The following LARS2 variants were observed in gnomAD, a reference collection of about 807,000 sequenced individuals.
The protein encoded by LARS2 is leucyl-tRNA synthetase 2, mitochondrial.
LARS2 carries 81 observed loss-of-function variants against 116.6 expected under a neutral mutation model. That is an observed-to-expected ratio of 0.69 (90% CI 0.58 to 0.84). The LOEUF is 0.84. Ranked by LOEUF, LARS2 falls within the 40% of genes least tolerant of loss-of-function variation. The pLI is 0.00. For missense variants in LARS2, 968 were observed against 1,114.5 expected (o/e 0.87, Z 1.87); for synonymous variants, 396 against 407.2 (o/e 0.97, Z 0.33).
chr3:45,531,535 G>A (rs886946916), intron 20 of LARS2, among the ~76,000 whole-genome samples: 26 of 151,110 alleles, frequency 1.7e-4, no homozygotes, highest in African/African-American at 6.3e-4. Flanking sequence ...ATGCCCCTAC[G>A]CCCGGCTAAT....
chr3:45,395,545 G>A (rs781632664), intron 3 of LARS2, among the ~76,000 whole-genome samples: 9 of 152,206 alleles, frequency 5.9e-5, no homozygotes, highest in Non-Finnish European at 1.2e-4. Flanking sequence ...TCTGATTGGA[G>A]TTTTAAATTC....
intron 8 of LARS2, among the ~76,000 whole-genome samples, chr3:45,473,274 A>G (rs557178352): frequency 6.6e-5 from 10 of 152,336 alleles, no homozygotes; most frequent in African/African-American, 2.4e-4. Context: ...ATGGGTGATC[A>G]TATAAGTATA....
intron 20 of LARS2, among the ~76,000 whole-genome samples, chr3:45,532,132 A>G (rs1481157710): frequency 6.6e-6 from 1 of 152,166 alleles, no homozygotes; most frequent in Admixed American, 6.5e-5. Context: ...AACCCTATGC[A>G]GTGTTAAAGA....
intron 8 of LARS2, among the ~76,000 whole-genome samples, chr3:45,463,874 C>T (rs1421267760): frequency 5.9e-5 from 9 of 151,982 alleles, no homozygotes; most frequent in Admixed American, 6.6e-5. Flanking sequence ...ATCTGCCCAG[C>T]GGTCCAAGGA....
chr3:45,407,702 A>G (rs1698253503), intron 4 of LARS2, among the ~76,000 whole-genome samples: 1 of 152,198 alleles, frequency 6.6e-6, no homozygotes, highest in African/African-American at 2.4e-5. Flanking sequence ...AGCAGTAACC[A>G]TGGTTGCTCT....
At chr3:45,461,695 G>A (rs756554447) in intron 8 of LARS2, among the ~76,000 whole-genome samples, 1 of 152,198 alleles carries the variant, frequency 6.6e-6, no homozygotes, top group South Asian at 2.1e-4. Context: ...TTAGATGTGG[G>A]TGAGAATAGT....
At chr3:45,499,168 G>A (rs979018910) in intron 14 of LARS2, among the ~76,000 whole-genome samples, 5 of 152,118 alleles carry the variant, frequency 3.3e-5, no homozygotes, top group African/African-American at 1.2e-4. Flanking sequence ...ATGGCCAGGT[G>A]CAGTGGCTCA....
In LARS2 at chr3:45,499,629, G is replaced by GA. The variant is rs143218200; in HGVS notation, c.1623-804dup. Among the ~76,000 whole-genome samples the GA allele has an allele frequency of 7.3e-5, 11 of 149,938 alleles. No individual in the cohort carries two copies. In the South Asian group the frequency reaches 1.3e-3, roughly 17 times the overall value. The stretch of plus-strand genomic sequence containing the variant: ...CAAGCAAGACCCAAACTTTAATAAA[G>GA]AAAAAAAAATGTTTTTTAATGTGAA... On this transcript the variant is annotated intron_variant, in intron 14 of 21. Coordinates refer to ENST00000645846, the MANE Select transcript of LARS2 (RefSeq NM_015340.4).
chr3:45,484,649 T>A (rs543527303), intron 10 of LARS2, among the ~76,000 whole-genome samples: 2,400 of 35,242 alleles, frequency 0.068, 230 homozygotes, highest in Middle Eastern at 0.17. Context: ...ATATATATAT[T>A]TAAAATAAGA....
intron 6 of LARS2, among the ~76,000 whole-genome samples, chr3:45,435,865 A>G (rs1205625520): frequency 6.6e-6 from 1 of 152,184 alleles, no homozygotes; most frequent in African/African-American, 2.4e-5. Flanking sequence ...AGTTGTATTT[A>G]GAGAGAATCA....
chr3:45,476,354 A>G, intron 9 of LARS2, 114 bp from the exon 10 acceptor site: 2 of 1,111,572 alleles, frequency 1.8e-6, no homozygotes, highest in Non-Finnish European at 1.4e-6. Flanking sequence ...CAGTGGTCAG[A>G]GCTGTGGTCA....
intron 15 of LARS2, 87 bp downstream of exon 15, chr3:45,500,666 T>C (rs1218595452): frequency 2.0e-6 from 2 of 997,350 alleles, no homozygotes; most frequent in East Asian, 2.7e-5. Flanking sequence ...GCAAGGTAAA[T>C]GCATGTAGTA....
At chr3:45,499,436 C>T (rs1238416325) in intron 14 of LARS2, among the ~76,000 whole-genome samples, 2 of 151,522 alleles carry the variant, frequency 1.3e-5, no homozygotes, top group East Asian at 1.9e-4. Flanking sequence ...AGCGAGACTC[C>T]GTCTCAAAAA....
intron 4 of LARS2, among the ~76,000 whole-genome samples, chr3:45,408,457 C>T (rs854205): frequency 0.71 from 107,384 of 152,144 alleles, 38,950 homozygotes; most frequent in African/African-American, 0.79. Flanking sequence ...CCTTGACCAG[C>T]TTGCTGTTAG....
chr3:45,496,419 C>T (rs1174380196), intron 14 of LARS2, 46 bp downstream of exon 14: 3 of 1,396,816 alleles, frequency 2.1e-6, no homozygotes, highest in East Asian at 2.3e-5. Context: ...CAGTGTGGCT[C>T]CTCCTAGAAG....
intron 15 of LARS2, among the ~76,000 whole-genome samples, chr3:45,502,161 G>A (rs755685977): frequency 6.6e-6 from 1 of 151,952 alleles, no homozygotes; most frequent in Non-Finnish European, 1.5e-5. Flanking sequence ...TCTTAATGAA[G>A]TTTATCATGT....
In LARS2 at chr3:45,451,368, GT is replaced by G. The variant is rs200507904; in HGVS notation, c.606+4398del. Among the ~76,000 whole-genome samples the G allele has an allele frequency of 1.4e-4, 20 of 148,108 alleles. 1 individual carries two copies. The highest frequency in any genetic ancestry group is 6.7e-4 in the Admixed American group (10 of 14,824). On this transcript the variant is annotated intron_variant, in intron 7 of 21. Transcript: ENST00000645846. ...CATTTAAGTCTTTAATCTATTTTGA[GT>G]TTTTTTTTTATATGGTGAAAAATGG... is the stretch of plus-strand genomic sequence containing the variant.
At chr3:45,520,327 A>G (rs1343050244) in intron 19 of LARS2, 31 bp downstream of exon 19, 1 of 1,564,640 alleles carries the variant, frequency 6.4e-7, no homozygotes, top group South Asian at 1.1e-5. Flanking sequence ...TGCTGGTAGC[A>G]GAGGAGGGAG....
At chr3:45,480,728 G>T (rs996196849) in intron 10 of LARS2, among the ~76,000 whole-genome samples, 1 of 152,278 alleles carries the variant, frequency 6.6e-6, no homozygotes, top group East Asian at 1.9e-4. Context: ...TATAGCATGC[G>T]AGCTGCTACC....
Sources: gnomAD v4.1 joint callset for allele counts (sites outside exome capture counted in the v4.1 genomes callset) on GRCh38, gnomAD v4.1.1 for gene constraint, MANE v1.5 for transcripts, NCBI Gene and HGNC (gene_info 2026-07-23, HGNC 2026-07-21) for gene names.